GMDS: variants seen among roughly 807,000 people sequenced by gnomAD.
The protein encoded by GMDS is GDP-mannose 4,6 dehydratase.
In GMDS, 20 loss-of-function variants were observed where a neutral mutation model predicts 49.9. The observed-to-expected ratio is 0.40, with a 90% CI of 0.28 to 0.58. The LOEUF (loss-of-function observed/expected upper bound fraction) is 0.58. GMDS is among the 20% of genes least tolerant of loss of function. The pLI is 0.42. For synonymous variants in GMDS, 177 were observed against 178.6 expected (o/e 0.99, Z 0.07); for missense variants, 362 against 481.4 (o/e 0.75, Z 2.32).
intron 1 of GMDS, 56 bp downstream of exon 1, chr6:2,245,265 G>A: frequency 8.5e-7 from 1 of 1,174,360 alleles, no homozygotes; most frequent in Non-Finnish European, 1.2e-6. Context: ...CGGCGCGTAG[G>A]GAGAGCACGC....
intron 4 of GMDS, among the ~76,000 whole-genome samples, chr6:2,079,019 CTTTTTTTTT>C (rs386405902): frequency 1.5e-4 from 5 of 33,988 alleles, no homozygotes; most frequent in South Asian, 1.5e-3. Context: ...ATGACCTTGT[CTTTTTTTTT>C]TTTTTTTTTT....
At chr6:1,896,589 A>C (rs1760204384) in intron 7 of GMDS, among the ~76,000 whole-genome samples, 1 of 152,118 alleles carries the variant, frequency 6.6e-6, no homozygotes. Context: ...AGGGGGTGTC[A>C]GGTGAGGGCC....
intron 9 of GMDS, among the ~76,000 whole-genome samples, chr6:1,723,559 G>A (rs1046235070): frequency 1.1e-4 from 16 of 149,358 alleles, no homozygotes; most frequent in African/African-American, 3.5e-4. Context: ...TCGATCTCCT[G>A]ATCTTGTGAT....
intron 7 of GMDS, among the ~76,000 whole-genome samples, chr6:1,771,102 G>A (rs1456622258): frequency 6.6e-6 from 1 of 152,162 alleles, no homozygotes; most frequent in Non-Finnish European, 1.5e-5. Context: ...CACAGAATAT[G>A]CTAAAATAGC....
intron 7 of GMDS, among the ~76,000 whole-genome samples, chr6:1,825,536 C>T (rs1465932016): frequency 6.6e-6 from 1 of 152,188 alleles, no homozygotes; most frequent in East Asian, 1.9e-4. Flanking sequence ...CCAAATCACA[C>T]AGTGCACTTA....
intron 1 of GMDS, among the ~76,000 whole-genome samples, chr6:2,143,365 A>G (rs1368302241): frequency 6.6e-6 from 1 of 151,984 alleles, no homozygotes; most frequent in Admixed American, 6.6e-5. Context: ...CCTTTCCCCT[A>G]CAGAACTTCT....
intron 4 of GMDS, among the ~76,000 whole-genome samples, chr6:2,081,297 A>G (rs1051553227): frequency 6.6e-6 from 1 of 152,186 alleles, no homozygotes; most frequent in East Asian, 1.9e-4. Flanking sequence ...GAGTCTGCAC[A>G]CTGCTAATGG....
At chr6:1,824,059 C>T (rs1222844191) in intron 7 of GMDS, among the ~76,000 whole-genome samples, 2 of 152,114 alleles carry the variant, frequency 1.3e-5, no homozygotes, top group African/African-American at 4.8e-5. Context: ...GCTATTACCA[C>T]CCTACCATCC....
chr6:2,213,198 C>G (rs1006421632), intron 1 of GMDS, among the ~76,000 whole-genome samples: 2 of 152,142 alleles, frequency 1.3e-5, no homozygotes, highest in African/African-American at 4.8e-5. Flanking sequence ...TGAGGGAAGC[C>G]TTTTTAGACT....
At chr6:2,035,383 C>T (rs530423053) in intron 4 of GMDS, among the ~76,000 whole-genome samples, 1 of 152,324 alleles carries the variant, frequency 6.6e-6, no homozygotes, top group South Asian at 2.1e-4. Flanking sequence ...CAACCCAACT[C>T]ATGAGTCAGC....
At chr6:2,078,286 C>A (rs977182414) in intron 4 of GMDS, among the ~76,000 whole-genome samples, 1 of 152,028 alleles carries the variant, frequency 6.6e-6, no homozygotes, top group Admixed American at 6.6e-5. Flanking sequence ...CTGCCCTGAT[C>A]TACATTATTT....
At chr6:1,721,904 C>A (rs774016226) in intron 9 of GMDS, among the ~76,000 whole-genome samples, 1 of 151,708 alleles carries the variant, frequency 6.6e-6, no homozygotes, top group Non-Finnish European at 1.5e-5. Context: ...GGCTGAAAAC[C>A]AATAAAAAAA....
chr6:2,007,118 T>A (rs955346015), intron 4 of GMDS, among the ~76,000 whole-genome samples: 4 of 152,192 alleles, frequency 2.6e-5, no homozygotes, highest in African/African-American at 9.6e-5. Context: ...TGAGGTGGAA[T>A]AATTGTACAA....
intron 9 of GMDS, among the ~76,000 whole-genome samples, chr6:1,634,049 G>A (rs79850280): frequency 0.025 from 3,804 of 152,270 alleles, 160 homozygotes; most frequent in African/African-American, 0.086. Context: ...TGGACGAGTC[G>A]TTCTTGCCCT....
At chr6:1,886,110 C>T (rs1759594990) in intron 7 of GMDS, among the ~76,000 whole-genome samples, 1 of 152,142 alleles carries the variant, frequency 6.6e-6, no homozygotes, top group South Asian at 2.1e-4. Context: ...TCCCGTCCTC[C>T]CAAAAGGTAA....
At chr6:2,195,515 T>A (rs1484863698) in intron 1 of GMDS, among the ~76,000 whole-genome samples, 6 of 152,208 alleles carry the variant, frequency 3.9e-5, no homozygotes, top group Non-Finnish European at 7.3e-5. Context: ...ATTCTTTTTA[T>A]CCTAATGTAA....
intron 4 of GMDS, among the ~76,000 whole-genome samples, chr6:1,969,709 C>T (rs769851115): frequency 6.6e-6 from 1 of 152,098 alleles, no homozygotes; most frequent in Non-Finnish European, 1.5e-5. Context: ...CCCCAGGGTT[C>T]ACTCCTCCCT....
chr6:1,758,200 GCCT>G (rs1185578021), intron 7 of GMDS, among the ~76,000 whole-genome samples: 7 of 152,348 alleles, frequency 4.6e-5, no homozygotes, highest in African/African-American at 1.2e-4. Context: ...CTTGGAGAAG[GCCT>G]CCTCATTTTC....
At chr6:1,953,036 C>T (rs866124004) in intron 6 of GMDS, among the ~76,000 whole-genome samples, 1 of 152,118 alleles carries the variant, frequency 6.6e-6, no homozygotes, top group Non-Finnish European at 1.5e-5. Context: ...TCCTAATGAT[C>T]GAAAGACTAA....
Sources: allele counts gnomAD v4.1 joint callset (sites outside exome capture counted in the v4.1 genomes callset), GRCh38; gene constraint gnomAD v4.1.1; transcripts MANE v1.5; gene names NCBI Gene and HGNC (gene_info 2026-07-23, HGNC 2026-07-21).